The following CEP290 variants were observed in gnomAD, a reference collection of about 807,000 sequenced individuals.
CEP290 encodes the protein centrosomal protein 290, also known as centrosomal protein of 290 kDa.
In CEP290, 317 loss-of-function variants were observed where a neutral mutation model predicts 344.9. That is an observed-to-expected ratio of 0.92 (90% confidence interval 0.84 to 1.01). The LOEUF is 1.01. CEP290 is among the 50% of genes least tolerant of loss of function. The pLI is 0.00. For synonymous variants in CEP290, 932 were observed against 895.8 expected, an observed-to-expected ratio of 1.04 and a Z score of -0.72; for missense variants, 2,754 against 2,761.4, an observed-to-expected ratio of 1.00 and a Z score of 0.06.
At chr12:88,068,695 C>A (rs758882350) in intron 43 of CEP290, 50 bp from the exon 44 acceptor site, 1 of 1,527,794 alleles carries the variant, frequency 6.5e-7, no homozygotes, top group Non-Finnish European at 8.7e-7. Flanking sequence ...CATCTTTTTT[C>A]TGTTGTACTA....
intron 5 of CEP290, among the ~76,000 whole-genome samples, chr12:88,138,314 A>G (rs1033628480): frequency 6.6e-6 from 1 of 152,194 alleles, no homozygotes; most frequent in Non-Finnish European, 1.5e-5. Flanking sequence ...TACAGCAGCT[A>G]CCTAGCTAAA....
chr12:88,139,356 ATATT>A (rs2138263074), intron 4 of CEP290, 135 bp downstream of exon 4: 2 of 520,648 alleles, frequency 3.8e-6, no homozygotes, highest in Non-Finnish European at 6.0e-6. Flanking sequence ...GAGTCTAGAA[ATATT>A]TATTATTAAA....
At chr12:88,098,821 G>GA (rs953516107) in intron 26 of CEP290, among the ~76,000 whole-genome samples, 1 of 151,964 alleles carries the variant, frequency 6.6e-6, no homozygotes, top group African/African-American at 2.4e-5. Flanking sequence ...GATCTGAGAG[G>GA]AAAAAATGAT....
In CEP290 at chr12:88,071,373, G is replaced by C. The variant is rs371525247; in HGVS notation, c.5932C>G (p.Arg1978Gly). 1.2e-6 allele frequency: 2 copies of C among 1,610,352 alleles called. No homozygotes were observed. Among genetic ancestry groups the C allele is most frequent in the Non-Finnish European group, 1.7e-6 (2 of 1,177,622 alleles). Reference protein sequence around the residue: ...GMTVDQVLGIRALESEKELEE... With the variant: ...GMTVDQVLGIGALESEKELEE... ...AATTCTTTTTCTGACTCCAAAGCTC[G>C]TATTCCCAAAACCTGATCAACAGTC... Residue 1978 changes from arginine (R) to glycine (G), a missense_variant, in exon 43 of 54, where the codon CGA becomes GGA. By Grantham distance (125) the Arg-to-Gly change is moderately radical. Transcript: ENST00000552810.
In CEP290 at chr12:88,111,355, GA is replaced by G. The variant is rs143621850; in HGVS notation, c.2218-5del. Reference sequence around the variant, plus strand: ...TTTCTTTTTCAAGATGGTCTATCTGGAAAAAAAAATCCAGCAATGAGAATCA... The same window carrying G: ...TTTCTTTTTCAAGATGGTCTATCTGGAAAAAAAATCCAGCAATGAGAATCA... On this transcript the variant is annotated splice_polypyrimidine_tract_variant and splice_region_variant and intron_variant, in intron 21 of 53. Coordinates refer to ENST00000552810, the MANE Select transcript of CEP290 (RefSeq NM_025114.4). The G allele has an allele frequency of 7.3e-5, 113 of 1,540,308 alleles. No individual in the cohort carries two copies. The highest frequency in any genetic ancestry group is 3.5e-4 in the South Asian group (28 of 79,470).
At chr12:88,076,410 A>G (rs1364511747) in intron 41 of CEP290, among the ~76,000 whole-genome samples, 1 of 152,114 alleles carries the variant, frequency 6.6e-6, no homozygotes, top group African/African-American at 2.4e-5. Context: ...TTTTATAGAC[A>G]TTAAATATTT....
At chr12:88,065,206 T>G (rs1445184653) in intron 44 of CEP290, among the ~76,000 whole-genome samples, 1 of 152,092 alleles carries the variant, frequency 6.6e-6, no homozygotes, top group Non-Finnish European at 1.5e-5. Flanking sequence ...TTTCTCTCTC[T>G]ATTGGCTTGA....
At chr12:88,080,611 G>T (rs1361063051) in intron 37 of CEP290, among the ~76,000 whole-genome samples, 1 of 152,038 alleles carries the variant, frequency 6.6e-6, no homozygotes, top group Non-Finnish European at 1.5e-5. Context: ...TGTATTTTTA[G>T]TAGAGATGGG....
chr12:88,060,747 G>T, intron 47 of CEP290, 83 bp downstream of exon 47: 4 of 1,017,070 alleles, frequency 3.9e-6, no homozygotes, highest in Non-Finnish European at 4.3e-6. Context: ...ATTTTATATA[G>T]TAATGAGCAT....
chr12:88,091,424 G>T, intron 29 of CEP290, among the ~76,000 whole-genome samples: 1 of 149,572 alleles, frequency 6.7e-6, no homozygotes, highest in South Asian at 2.1e-4. Context: ...AAAAGAGATA[G>T]CCTAATGGTA....
chr12:88,118,395 CA>C (rs2039193008), intron 17 of CEP290, 87 bp downstream of exon 17: 2 of 1,090,936 alleles, frequency 1.8e-6, no homozygotes, highest in African/African-American at 1.6e-5. Flanking sequence ...AATAGAACAG[CA>C]AAAACAGCTA....
At chr12:88,140,085 A>AT (rs1202304888) in intron 3 of CEP290, among the ~76,000 whole-genome samples, 3 of 152,130 alleles carry the variant, frequency 2.0e-5, no homozygotes, top group African/African-American at 7.2e-5. Flanking sequence ...CAATTTCTAG[A>AT]TTTTTAATAG....
intron 8 of CEP290, 51 bp from the exon 9 acceptor site, chr12:88,130,471 A>G: frequency 6.3e-7 from 1 of 1,597,410 alleles, no homozygotes; most frequent in South Asian, 1.1e-5. Flanking sequence ...CAGAATAACA[A>G]AATCATATCC....
chr12:88,057,472 T>C (rs1386100449), intron 49 of CEP290, among the ~76,000 whole-genome samples: 6 of 152,226 alleles, frequency 3.9e-5, no homozygotes, highest in Admixed American at 1.3e-4. Flanking sequence ...CTGACAGGAC[T>C]GCTGGCTCAG....
intron 49 of CEP290, among the ~76,000 whole-genome samples, chr12:88,056,096 C>A (rs2033979601): frequency 6.6e-6 from 1 of 151,930 alleles, no homozygotes; most frequent in Non-Finnish European, 1.5e-5. Context: ...AAGCTTTTCT[C>A]ACATACACAG....
At chr12:88,068,776 C>T (rs1413771846) in intron 43 of CEP290, 131 bp from the exon 44 acceptor site, 2 of 837,022 alleles carry the variant, frequency 2.4e-6, no homozygotes, top group South Asian at 2.1e-5. Flanking sequence ...TTCTTCAAAC[C>T]TTCTAAACTT....
At chr12:88,054,542 A>G in intron 50 of CEP290, 129 bp from the exon 51 acceptor site, 1 of 673,054 alleles carries the variant, frequency 1.5e-6, no homozygotes, top group Non-Finnish European at 2.5e-6. Context: ...GCAAATTTCT[A>G]TGTTCTATTC....
intron 26 of CEP290, among the ~76,000 whole-genome samples, chr12:88,101,742 T>C (rs1207552046): frequency 6.6e-6 from 1 of 152,000 alleles, no homozygotes; most frequent in East Asian, 1.9e-4. Context: ...CATTGATACA[T>C]TATCCACAAG....
At chr12:88,130,874 T>C (rs1289084719) in intron 7 of CEP290, among the ~76,000 whole-genome samples, 1 of 152,004 alleles carries the variant, frequency 6.6e-6, no homozygotes, top group Non-Finnish European at 1.5e-5. Context: ...GTAAGAGAAA[T>C]AAGAATAGAA....
Sources: allele counts gnomAD v4.1 joint callset (sites outside exome capture counted in the v4.1 genomes callset), GRCh38; gene constraint gnomAD v4.1.1; transcripts MANE v1.5; gene names NCBI Gene and HGNC (gene_info 2026-07-23, HGNC 2026-07-21).